Variants in APBB2 observed in about 807,000 individuals in gnomAD.
APBB2 encodes Fe65-like 1.
Under a neutral mutation model 82.5 loss-of-function variants are expected in APBB2, and 38 were observed. That is an observed-to-expected ratio of 0.46 (90% confidence interval 0.36 to 0.60). APBB2 has a LOEUF of 0.60. Among genes scored for constraint, APBB2 ranks in the 20% least tolerant of loss-of-function variants. The probability of loss-of-function intolerance (pLI) is 0.00; values close to 1 mark genes in which losing one functional copy is unlikely to be tolerated. For missense variants in APBB2, 772 were observed against 972.3 expected, an observed-to-expected ratio of 0.79 and a Z score of 2.74; for synonymous variants, 341 against 368.2, an observed-to-expected ratio of 0.93 and a Z score of 0.85.
intron 6 of APBB2, among the ~76,000 whole-genome samples, chr4:40,995,380 T>A (rs368290516): frequency 1.5e-3 from 227 of 152,170 alleles, no homozygotes; most frequent in African/African-American, 5.3e-3. Flanking sequence ...CCGTCAGAAA[T>A]GGATCTTTTT....
chr4:41,025,386 G>C (rs566777890), intron 5 of APBB2, among the ~76,000 whole-genome samples: 96 of 152,150 alleles, frequency 6.3e-4, no homozygotes, highest in Non-Finnish European at 1.2e-3. Flanking sequence ...GGAGAAAAGG[G>C]AACACTTATA....
At chr4:41,032,774 CTTTCTTTTTTTTTTT>C (rs370699576) in intron 5 of APBB2, among the ~76,000 whole-genome samples, 6,525 of 89,224 alleles carry the variant, frequency 0.073, 305 homozygotes, top group African/African-American at 0.19. Flanking sequence ...ATTCATTTTT[CTTTCTTTTTTTTTTT>C]TTTTTTTTTT....
intron 5 of APBB2, among the ~76,000 whole-genome samples, chr4:41,025,326 G>T (rs1713541355): frequency 6.6e-6 from 1 of 151,936 alleles, no homozygotes; most frequent in Admixed American, 6.6e-5. Context: ...AATCAAATCA[G>T]AATGGCTATT....
At chr4:41,151,773 C>CG (rs1762338625) in intron 1 of APBB2, among the ~76,000 whole-genome samples, 1 of 137,796 alleles carries the variant, frequency 7.3e-6, no homozygotes, top group South Asian at 2.3e-4. Context: ...ACATGGTCTT[C>CG]TTTTTTTTTT....
intron 12 of APBB2, among the ~76,000 whole-genome samples, chr4:40,882,737 T>C (rs961391830): frequency 6.6e-6 from 1 of 152,226 alleles, no homozygotes; most frequent in East Asian, 1.9e-4. Flanking sequence ...AGTGTGGGTT[T>C]GGAGCTGAGG....
At chr4:41,097,697 C>T (rs190960248) in intron 3 of APBB2, among the ~76,000 whole-genome samples, 7 of 152,110 alleles carry the variant, frequency 4.6e-5, no homozygotes, top group Admixed American at 1.3e-4. Context: ...TTTGAAGGTA[C>T]GGTTATATTT....
intron 4 of APBB2, among the ~76,000 whole-genome samples, chr4:41,048,449 C>A (rs1217972158): frequency 6.6e-6 from 1 of 152,096 alleles, no homozygotes; most frequent in Non-Finnish European, 1.5e-5. Context: ...ATATATTAAC[C>A]ACTTCAATCC....
At chr4:41,106,855 T>A (rs533906794) in intron 2 of APBB2, among the ~76,000 whole-genome samples, 90 of 152,254 alleles carry the variant, frequency 5.9e-4, no homozygotes, top group African/African-American at 2.1e-3. Context: ...GGAGAAATAG[T>A]TGGGTCTGGG....
intron 4 of APBB2, among the ~76,000 whole-genome samples, chr4:41,052,773 C>CT (rs72004025): frequency 0.079 from 9,682 of 122,006 alleles, 377 homozygotes; most frequent in African/African-American, 0.093. Flanking sequence ...TTTCTTTCTT[C>CT]TTTTTTTTTT....
At chr4:41,118,862 G>A (rs867597632) in intron 2 of APBB2, among the ~76,000 whole-genome samples, 7 of 152,062 alleles carry the variant, frequency 4.6e-5, no homozygotes, top group South Asian at 2.1e-4. Context: ...AAGACTGGCC[G>A]GGCGCGGTGG....
At chr4:41,118,795 T>C (rs1284698243) in intron 2 of APBB2, among the ~76,000 whole-genome samples, 1 of 152,080 alleles carries the variant, frequency 6.6e-6, no homozygotes, top group African/African-American at 2.4e-5. Flanking sequence ...AGTATTGAGA[T>C]ACCCTGTACT....
At chr4:40,937,167 T>A (rs1349579283) in intron 7 of APBB2, among the ~76,000 whole-genome samples, 1 of 152,148 alleles carries the variant, frequency 6.6e-6, no homozygotes, top group Non-Finnish European at 1.5e-5. Flanking sequence ...GATAATCAGA[T>A]GATGAATTAG....
At chr4:41,208,695 T>C (rs1405729634) in intron 1 of APBB2, among the ~76,000 whole-genome samples, 2 of 152,252 alleles carry the variant, frequency 1.3e-5, no homozygotes, top group Non-Finnish European at 2.9e-5. Context: ...TTGCAAGATT[T>C]CCACAAGAGG....
chr4:40,846,831 A>G (rs1227077569), intron 12 of APBB2, among the ~76,000 whole-genome samples: 1 of 152,212 alleles, frequency 6.6e-6, no homozygotes, highest in African/African-American at 2.4e-5. Flanking sequence ...GGAGGGAAAA[A>G]GGATATTTAA....
At chr4:40,876,772 T>C (rs1428063547) in intron 12 of APBB2, among the ~76,000 whole-genome samples, 1 of 152,202 alleles carries the variant, frequency 6.6e-6, no homozygotes, top group African/African-American at 2.4e-5. Context: ...CATCTGCAGT[T>C]GGTTGAATGT....
At chr4:41,015,934 AAAC>A (rs1198941740) in intron 5 of APBB2, among the ~76,000 whole-genome samples, 1 of 152,194 alleles carries the variant, frequency 6.6e-6, no homozygotes, top group Non-Finnish European at 1.5e-5. Flanking sequence ...AATTAAAAAA[AAAC>A]AATTTTTATT....
chr4:40,922,816 C>T (rs879554221), intron 10 of APBB2, among the ~76,000 whole-genome samples: 1 of 150,388 alleles, frequency 6.6e-6, no homozygotes, highest in Non-Finnish European at 1.5e-5. Flanking sequence ...AGGGGGCTCA[C>T]TATGTTGGCC....
chr4:41,004,049 A>G (rs1805969251), intron 6 of APBB2, among the ~76,000 whole-genome samples: 1 of 151,442 alleles, frequency 6.6e-6, no homozygotes, highest in Non-Finnish European at 1.5e-5. Flanking sequence ...TGATGGGTGA[A>G]CAAATTTCTA....
chr4:41,098,145 C>T (rs182546805), intron 3 of APBB2, among the ~76,000 whole-genome samples: 10 of 151,958 alleles, frequency 6.6e-5, no homozygotes, highest in Non-Finnish European at 1.3e-4. Context: ...AAACATCCTT[C>T]TGCGTATATA....
Sources: gnomAD v4.1 joint callset for allele counts (sites outside exome capture counted in the v4.1 genomes callset) on GRCh38, gnomAD v4.1.1 for gene constraint, MANE v1.5 for transcripts, NCBI Gene and HGNC (gene_info 2026-07-23, HGNC 2026-07-21) for gene names.